Variants in SEC31A observed in about 807,000 individuals in gnomAD.
SEC31A encodes the protein protein transport protein Sec31A.
SEC31A carries 70 observed loss-of-function variants against 151.0 expected under a neutral mutation model. The ratio of observed to expected loss-of-function variants is 0.46; its 90% CI spans 0.38 to 0.57. The LOEUF is 0.57. SEC31A is among the 20% of genes least tolerant of loss of function. The pLI is 0.00. For synonymous variants in SEC31A, 475 were observed against 505.9 expected, an observed-to-expected ratio of 0.94 and a Z score of 0.82; for missense variants, 1,330 against 1,471.2, an observed-to-expected ratio of 0.90 and a Z score of 1.57.
At chr4:82,881,076 G>A (rs777960639) in intron 2 of SEC31A, among the ~76,000 whole-genome samples, 154 bp from the exon 3 acceptor site, 17 of 152,206 alleles carry the variant, frequency 1.1e-4, no homozygotes, top group Non-Finnish European at 2.5e-4. Flanking sequence ...ATAGCAATGA[G>A]ATTCTGGCAC....
Position 82,874,752 on chromosome 4 carries a change from C to G in SEC31A, c.499-1G>C. On this transcript the variant is annotated splice_acceptor_variant, in intron 5 of 26. Transcript: ENST00000395310. LOFTEE classifies it high-confidence loss of function. ...CAATGCAGCTGATATCTTCTGGCGG[C>G]TACAAGGAAGAAACAGTTAATAAAA... 1 of 1,600,324 alleles carries G rather than the reference C, an allele frequency of 6.2e-7. No individual in the cohort carries two copies. The highest frequency in any genetic ancestry group is 8.5e-7 in the Non-Finnish European group (1 of 1,176,938).
chr4:82,819,567 C>A (rs1468078825), intron 26 of SEC31A, among the ~76,000 whole-genome samples: 2 of 152,144 alleles, frequency 1.3e-5, no homozygotes, highest in African/African-American at 2.4e-5. Context: ...AAGAGAGCTT[C>A]AGACCTTTAA....
At chr4:82,884,566 C>T (rs1740217401) in intron 1 of SEC31A, among the ~76,000 whole-genome samples, 1 of 152,222 alleles carries the variant, frequency 6.6e-6, no homozygotes, top group Non-Finnish European at 1.5e-5. Context: ...ACATCATTAT[C>T]ACTGAAACTC....
intron 8 of SEC31A, among the ~76,000 whole-genome samples, chr4:82,868,658 G>A (rs1735945076): frequency 6.6e-6 from 1 of 152,086 alleles, no homozygotes; most frequent in Non-Finnish European, 1.5e-5. Context: ...TAAGTCAAAT[G>A]AACTTAACTC....
At chr4:82,871,283 T>C in intron 7 of SEC31A, 1 of 1,385,206 alleles carries the variant, frequency 7.2e-7, no homozygotes, top group Non-Finnish European at 9.4e-7. Context: ...CCTATTTGTA[T>C]AAAAATTATA....
At position 82,851,464 on chromosome 4, in the gene SEC31A, T is replaced by C. The variant is rs753444022; in HGVS notation, c.2295A>G (p.Ala765=). ...NLLAAQGSIA[A]ALAFLPDNTN... is the part of the protein sequence containing the mutation. ...TGTTGTCAGGAAGAAAAGCCAAGGCTGCAGCAATACTGCCCTGAGCTGCCA... is the reference window on the plus strand; with the variant it reads ...TGTTGTCAGGAAGAAAAGCCAAGGCCGCAGCAATACTGCCCTGAGCTGCCA... Residue 765 remains alanine (A), a synonymous_variant, in exon 19 of 27, where the codon GCA becomes GCG. Transcript: ENST00000395310. 3.1e-6 allele frequency: 5 copies of C among 1,612,926 alleles called. No individual in the cohort carries two copies. The highest frequency in any genetic ancestry group is 3.4e-6 in the Non-Finnish European group (4 of 1,179,618).
intron 6 of SEC31A, among the ~76,000 whole-genome samples, chr4:82,873,484 T>G (rs550950852): frequency 6.6e-6 from 1 of 152,192 alleles, no homozygotes; most frequent in Non-Finnish European, 1.5e-5. Flanking sequence ...TAAATTTTCA[T>G]ATGGAATAAA....
At position 82,847,893 on chromosome 4, in the gene SEC31A, T is replaced by G. The variant is rs553846872; in HGVS notation, c.2502+911A>C. Among the ~76,000 whole-genome samples, 22 of 152,356 alleles carry G rather than the reference T, an allele frequency of 1.4e-4. No individual in the cohort carries two copies. In the South Asian group the frequency reaches 4.6e-3, roughly 32 times the overall value. Reference sequence around the variant, plus strand: ...GAGAGTTAACAGTTACATTCAAATGTAATCTATCCTGATTTAGTAGTACCA... The same window carrying G: ...GAGAGTTAACAGTTACATTCAAATGGAATCTATCCTGATTTAGTAGTACCA... On this transcript the variant is annotated intron_variant, in intron 20 of 26. Transcript: ENST00000395310.
At chr4:82,863,275 T>C (rs746445951) in intron 12 of SEC31A, 43 bp downstream of exon 12, 1 of 1,069,154 alleles carries the variant, frequency 9.4e-7, no homozygotes, top group South Asian at 1.4e-5. Flanking sequence ...TTTAAAAGTA[T>C]GATTCATAAA....
At position 82,857,624 on chromosome 4, in the gene SEC31A, A is replaced by G; in HGVS notation, c.1702+65T>C. ...CCTGACTTGAAGCATTTTAACTTAA[A>G]TGCAGGAACTATTTGTTTTCCAATG... On this transcript the variant is annotated intron_variant, in intron 15 of 26. Coordinates refer to ENST00000395310, the MANE Select transcript of SEC31A (RefSeq NM_001077207.4). 3 of 1,051,222 alleles carry G rather than the reference A, an allele frequency of 2.9e-6. 1 individual carries two copies. 65.1% of individuals were successfully genotyped at this position (1,051,222 alleles called of 1,614,324 possible).
chr4:82,826,385 G>A (rs1247235091), intron 24 of SEC31A, among the ~76,000 whole-genome samples: 2 of 152,108 alleles, frequency 1.3e-5, no homozygotes, highest in Non-Finnish European at 2.9e-5. Flanking sequence ...ACGGAGTCTC[G>A]CTCTGTCGTC....
At chr4:82,856,328 T>C (rs570043673) in intron 16 of SEC31A, among the ~76,000 whole-genome samples, 1 of 151,870 alleles carries the variant, frequency 6.6e-6, no homozygotes, top group South Asian at 2.1e-4. Flanking sequence ...TTTTTTGTAT[T>C]TTTAGTAGAG....
intron 22 of SEC31A, among the ~76,000 whole-genome samples, chr4:82,836,362 G>A (rs1727269004): frequency 8.8e-6 from 1 of 113,564 alleles, no homozygotes; most frequent in African/African-American, 3.8e-5. Context: ...AACAGAGTGA[G>A]ACTCCATCTC....
intron 23 of SEC31A, among the ~76,000 whole-genome samples, chr4:82,828,314 A>G (rs776562842): frequency 2.0e-5 from 3 of 152,228 alleles, no homozygotes; most frequent in Non-Finnish European, 2.9e-5. Flanking sequence ...ATCAGAATGT[A>G]ATACCTAAGT....
chr4:82,851,670 A>T, intron 18 of SEC31A, 66 bp from the exon 19 acceptor site: 3 of 1,363,206 alleles, frequency 2.2e-6, no homozygotes, highest in Admixed American at 2.1e-5. Context: ...GCAGGAAAAG[A>T]TCAAGAGTTA....
intron 22 of SEC31A, among the ~76,000 whole-genome samples, chr4:82,833,792 A>G (rs947258532): frequency 6.6e-6 from 1 of 152,216 alleles, no homozygotes; most frequent in African/African-American, 2.4e-5. Context: ...GGAGAAATTA[A>G]AATTGTTATT....
At chr4:82,855,482 A>G (rs572226974) in intron 16 of SEC31A, among the ~76,000 whole-genome samples, 2 of 152,358 alleles carry the variant, frequency 1.3e-5, no homozygotes, top group South Asian at 4.1e-4. Context: ...CACTGTGGCT[A>G]AAAGATAACC....
At chr4:82,896,769 T>G (rs531459879) in intron 3 of SEC31A, among the ~76,000 whole-genome samples, 2 of 152,310 alleles carry the variant, frequency 1.3e-5, no homozygotes, top group South Asian at 2.1e-4. Context: ...TCAAGGAATA[T>G]TGTCCAATTT....
chr4:82,872,839 G>A (rs1178210823), intron 6 of SEC31A, among the ~76,000 whole-genome samples: 2 of 151,982 alleles, frequency 1.3e-5, no homozygotes, highest in Admixed American at 1.3e-4. Flanking sequence ...CCAATAGCTG[G>A]GAGTACAGGC....
Sources: gnomAD v4.1 joint callset for allele counts (sites outside exome capture counted in the v4.1 genomes callset) on GRCh38, gnomAD v4.1.1 for gene constraint, MANE v1.5 for transcripts, NCBI Gene and HGNC (gene_info 2026-07-23, HGNC 2026-07-21) for gene names.